Variants in PTPRD observed in about 807,000 individuals in gnomAD.
The protein encoded by PTPRD is receptor-type tyrosine-protein phosphatase delta.
PTPRD carries 34 observed loss-of-function variants against 214.5 expected under a neutral mutation model. That is an observed-to-expected ratio of 0.16 (90% CI 0.12 to 0.21). PTPRD has a LOEUF of 0.21. PTPRD is among the 10% of genes least tolerant of loss of function. The probability of loss-of-function intolerance (pLI) is 1.00; values close to 1 mark genes in which losing one functional copy is unlikely to be tolerated. For synonymous variants in PTPRD, 1,128 were observed against 845.7 expected, an observed-to-expected ratio of 1.33 and a Z score of -5.79; for missense variants, 2,545 against 2,398.7, an observed-to-expected ratio of 1.06 and a Z score of -1.27.
chr9:9,297,971 T>C (rs927915659), intron 9 of PTPRD, among the ~76,000 whole-genome samples: 1 of 151,634 alleles, frequency 6.6e-6, no homozygotes, highest in South Asian at 2.1e-4. Context: ...TAAGTTTGGT[T>C]TGGATAATTC....
chr9:9,814,795 CTTTTT>C (rs34270280), intron 5 of PTPRD, among the ~76,000 whole-genome samples: 1 of 106,374 alleles, frequency 9.4e-6, no homozygotes, highest in Non-Finnish European at 1.8e-5. Context: ...ACCAAAGTGA[CTTTTT>C]TTTTTTTTTT....
chr9:10,172,202 C>T (rs969028453), intron 3 of PTPRD, among the ~76,000 whole-genome samples: 3 of 151,970 alleles, frequency 2.0e-5, no homozygotes, highest in Non-Finnish European at 4.4e-5. Flanking sequence ...TATAAATTAT[C>T]GTCTGTTTTT....
chr9:8,560,810 T>A (rs1396054839), intron 14 of PTPRD, among the ~76,000 whole-genome samples: 1 of 152,136 alleles, frequency 6.6e-6, no homozygotes, highest in Admixed American at 6.5e-5. Context: ...GAAGGAAATC[T>A]CTACTGGCAA....
intron 11 of PTPRD, among the ~76,000 whole-genome samples, chr9:8,954,986 C>A (rs1161536226): frequency 6.6e-6 from 1 of 151,804 alleles, no homozygotes; most frequent in East Asian, 1.9e-4. Context: ...AAATGTCTGT[C>A]CACTCCAGGC....
chr9:10,028,801 A>C (rs576606288), intron 4 of PTPRD, among the ~76,000 whole-genome samples: 1 of 152,196 alleles, frequency 6.6e-6, no homozygotes, highest in Non-Finnish European at 1.5e-5. Flanking sequence ...AGAAAATCCC[A>C]TTTTCGAGGA....
chr9:9,508,483 T>G (rs1321653620), intron 8 of PTPRD, among the ~76,000 whole-genome samples: 1 of 151,788 alleles, frequency 6.6e-6, no homozygotes, highest in African/African-American at 2.4e-5. Flanking sequence ...CAACTTAGAA[T>G]AGCTTTTTCT....
chr9:8,956,817 G>C (rs1440920779), intron 11 of PTPRD, among the ~76,000 whole-genome samples: 1 of 151,836 alleles, frequency 6.6e-6, no homozygotes, highest in Non-Finnish European at 1.5e-5. Context: ...CTATCTCAGT[G>C]AATCTTAACC....
chr9:10,603,435 T>C (rs1276798589), intron 2 of PTPRD, among the ~76,000 whole-genome samples: 2 of 151,818 alleles, frequency 1.3e-5, no homozygotes, highest in Admixed American at 6.6e-5. Flanking sequence ...GAATTTGTCT[T>C]ATAAAAGCAG....
At chr9:9,445,136 G>A (rs2089933490) in intron 8 of PTPRD, among the ~76,000 whole-genome samples, 1 of 152,094 alleles carries the variant, frequency 6.6e-6, no homozygotes, top group African/African-American at 2.4e-5. Flanking sequence ...ATCCTCATTG[G>A]TATCAGTTTT....
chr9:9,188,836 G>A (rs2099933300), intron 9 of PTPRD, among the ~76,000 whole-genome samples: 1 of 148,656 alleles, frequency 6.7e-6, no homozygotes, highest in East Asian at 2.0e-4. Flanking sequence ...GTGTGTGTGT[G>A]TGTGTGTTGT....
Position 8,970,956 on chromosome 9 carries a change from C to T in PTPRD, c.-104+47741G>A, listed in dbSNP as rs138239736. Among the ~76,000 whole-genome samples, 1,136 of 151,320 alleles carry T rather than the reference C, an allele frequency of 7.5e-3. 7 individuals are homozygous for T. The highest frequency in any genetic ancestry group is 0.013 in the Non-Finnish European group (865 of 67,616). ...ACCAAACAAAAAACACAGAATTAAC[C>T]GGAGATATGTTCTAATGAAATCTTT... On this transcript the variant is annotated intron_variant, in intron 11 of 45. Transcript: ENST00000381196.
chr9:10,398,248 G>C (rs890287248), intron 2 of PTPRD, among the ~76,000 whole-genome samples: 1 of 151,522 alleles, frequency 6.6e-6, no homozygotes, highest in African/African-American at 2.4e-5. Context: ...AGGCATGGCG[G>C]TATATGCCTA....
intron 4 of PTPRD, among the ~76,000 whole-genome samples, chr9:9,939,466 C>A (rs2090754370): frequency 6.6e-6 from 1 of 152,266 alleles, no homozygotes; most frequent in East Asian, 1.9e-4. Flanking sequence ...GAACTGAATT[C>A]ATGATGAAGA....
At chr9:9,200,924 T>C (rs1008446391) in intron 9 of PTPRD, among the ~76,000 whole-genome samples, 4 of 152,234 alleles carry the variant, frequency 2.6e-5, no homozygotes, top group Admixed American at 1.3e-4. Context: ...CAAAAGAAGC[T>C]ATTATTAAAA....
chr9:9,186,674 C>CACAA lies in PTPRD; in HGVS notation c.-202-3312_-202-3311insTTGT, dbSNP rs1554942126. On this transcript the variant is annotated intron_variant, in intron 9 of 45. Coordinates refer to ENST00000381196, the MANE Select transcript of PTPRD (RefSeq NM_002839.4). Reference sequence around the variant, plus strand: ...TCTCTCTCTCTCTCTCTCACACACACACACACAAACACACGTATCCTAATA... The same window carrying CACAA: ...TCTCTCTCTCTCTCTCTCACACACACACAAACACACAAACACACGTATCCTAATA... 4.2e-3 allele frequency among the ~76,000 whole-genome samples: 640 copies of CACAA among 151,710 alleles called. 9 individuals carry two copies. The highest frequency in any genetic ancestry group is 0.015 in the African/African-American group (606 of 41,298).
At chr9:9,668,143 C>A (rs1039926778) in intron 7 of PTPRD, among the ~76,000 whole-genome samples, 2 of 152,056 alleles carry the variant, frequency 1.3e-5, no homozygotes, top group South Asian at 2.1e-4. Flanking sequence ...TAAGAAGCCA[C>A]CAGGTCTCAC....
chr9:9,867,757 C>T (rs7341736), intron 5 of PTPRD, among the ~76,000 whole-genome samples: 12,906 of 152,068 alleles, frequency 0.085, 1,316 homozygotes, highest in African/African-American at 0.25. Context: ...AGTTGGCAGG[C>T]AAGTAGGTTT....
At chr9:9,259,476 T>G (rs2099979151) in intron 9 of PTPRD, among the ~76,000 whole-genome samples, 1 of 151,904 alleles carries the variant, frequency 6.6e-6, no homozygotes, top group South Asian at 2.1e-4. Flanking sequence ...TGTAAAGCCT[T>G]ACAAAATTGG....
At chr9:10,344,068 A>G (rs1203391869) in intron 2 of PTPRD, among the ~76,000 whole-genome samples, 1 of 125,852 alleles carries the variant, frequency 7.9e-6, no homozygotes, top group Non-Finnish European at 1.6e-5. Flanking sequence ...TTTTGTTGCC[A>G]TTGCTTTTGG....
Sources: gnomAD v4.1 joint callset for allele counts (sites outside exome capture counted in the v4.1 genomes callset) on GRCh38, gnomAD v4.1.1 for gene constraint, MANE v1.5 for transcripts, NCBI Gene and HGNC (gene_info 2026-07-23, HGNC 2026-07-21) for gene names.